Variants in COL19A1 observed in about 807,000 individuals in gnomAD.
COL19A1 encodes collagen type XIX alpha 1 chain.
In COL19A1, 159 loss-of-function variants were observed where a neutral mutation model predicts 190.2. The observed-to-expected ratio is 0.84, with a 90% CI of 0.73 to 0.95. COL19A1 has a LOEUF of 0.95. COL19A1 is among the 40% of genes least tolerant of loss of function. COL19A1 has a pLI of 0.00. For synonymous variants in COL19A1, 509 were observed against 458.9 expected (o/e 1.11, Z -1.39); for missense variants, 1,418 against 1,431.9 (o/e 0.99, Z 0.16).
At position 70,210,160 on chromosome 6, in the gene COL19A1, C is replaced by T. The variant is rs11758956; in HGVS notation, c.*2886C>T. 0.014 allele frequency among the ~76,000 whole-genome samples: 2,097 copies of T among 152,176 alleles called. 73 individuals are homozygous for T. The highest frequency in any genetic ancestry group is 0.13 in the East Asian group (690 of 5,170). ...ACAAAATAATTATGGGCCATGACGACGATTAATATTAAAACTGTGATTTCC... is the reference window on the plus strand; with the variant it reads ...ACAAAATAATTATGGGCCATGACGATGATTAATATTAAAACTGTGATTTCC... On this transcript the variant is annotated 3_prime_UTR_variant, in exon 51 of 51. Transcript: ENST00000620364.
At chr6:69,988,238 A>G (rs1219141642) in intron 11 of COL19A1, among the ~76,000 whole-genome samples, 1 of 152,232 alleles carries the variant, frequency 6.6e-6, no homozygotes, top group African/African-American at 2.4e-5. Flanking sequence ...TGAAAAGGTT[A>G]CATGTCATTT....
chr6:69,896,008 A>G (rs931112660), intron 2 of COL19A1, among the ~76,000 whole-genome samples: 14 of 152,170 alleles, frequency 9.2e-5, no homozygotes, highest in African/African-American at 3.4e-4. Flanking sequence ...TTCAAGTCAT[A>G]CAGTTCATAT....
At chr6:69,878,368 C>T (rs1027918585) in intron 1 of COL19A1, among the ~76,000 whole-genome samples, 55 of 152,012 alleles carry the variant, frequency 3.6e-4, no homozygotes, top group Admixed American at 1.8e-3. Flanking sequence ...TGCCCGCCAC[C>T]GTGCCTGACT....
intron 49 of COL19A1, among the ~76,000 whole-genome samples, chr6:70,201,909 G>T (rs1767576912): frequency 6.6e-6 from 1 of 152,182 alleles, no homozygotes; most frequent in African/African-American, 2.4e-5. Flanking sequence ...ACAGGAAATT[G>T]AAGTGTTTTT....
At chr6:70,022,867 T>A (rs1264065988) in intron 11 of COL19A1, among the ~76,000 whole-genome samples, 1 of 152,188 alleles carries the variant, frequency 6.6e-6, no homozygotes, top group Non-Finnish European at 1.5e-5. Context: ...ATGCTTCTCT[T>A]TTTTTACTAC....
In COL19A1 at chr6:69,960,611, T is replaced by C. The variant is rs1469615294; in HGVS notation, c.981+571T>C. ...TTTCTCTTTAACAAGATGAACTTCC[T>C]TTGTGCCCCCACTTTTTTTTTTTTT... On this transcript the variant is annotated intron_variant, in intron 10 of 50. Transcript: ENST00000620364. Among the ~76,000 whole-genome samples the C allele has an allele frequency of 3.3e-5, 5 of 151,520 alleles. No individual in the cohort carries two copies. In the South Asian group the frequency reaches 1.0e-3, roughly 32 times the overall value.
chr6:69,886,484 A>T (rs1768945666), intron 2 of COL19A1, among the ~76,000 whole-genome samples: 1 of 152,202 alleles, frequency 6.6e-6, no homozygotes, highest in Admixed American at 6.5e-5. Context: ...TTGGGTCTAC[A>T]TCCAAAAAAG....
chr6:70,068,684 G>T (rs1300345268), intron 15 of COL19A1, among the ~76,000 whole-genome samples: 1 of 151,980 alleles, frequency 6.6e-6, no homozygotes, highest in Non-Finnish European at 1.5e-5. Context: ...CAGCACAAGT[G>T]TAGAGATATT....
Position 70,176,553 on chromosome 6 carries a change from G to T in COL19A1, c.2656G>T (p.Ala886Ser), listed in dbSNP as rs775070491. The T allele has an allele frequency of 4.3e-6, 7 of 1,613,506 alleles. No individual in the cohort carries two copies. The South Asian group carries it at 7.7e-5, about 18-fold the overall frequency. Reference sequence around the variant, plus strand: ...AGGCCCAGCAGGTCCCCCAGGAATAGCAGGGATGTCGGTGAGTTCAGATTA... The same window carrying T: ...AGGCCCAGCAGGTCCCCCAGGAATATCAGGGATGTCGGTGAGTTCAGATTA... Reference protein sequence around the residue: ...DRGPAGPPGIAGMSGKPGAPG... With the variant: ...DRGPAGPPGISGMSGKPGAPG... The change falls in exon 42 of 51, where the codon GCA (alanine) becomes TCA (serine). Residue 886 changes from alanine (A) to serine (S), a missense_variant. Physicochemically the swap from Ala to Ser is moderately conservative, Grantham distance 99. Transcript: ENST00000620364.
chr6:69,893,196 G>T (rs1157422922), intron 2 of COL19A1, among the ~76,000 whole-genome samples: 1 of 152,178 alleles, frequency 6.6e-6, no homozygotes, highest in Admixed American at 6.5e-5. Flanking sequence ...ATTCGTGAAT[G>T]TTTCAGCTTT....
rs1186667902 is a variant in COL19A1 at position 70,210,126 on chromosome 6, T to C, written c.*2852T>C. On this transcript the variant is annotated 3_prime_UTR_variant, in exon 51 of 51. Transcript: ENST00000620364. ...TTTGCACTCCAGAAAACAACATACA[T>C]GTTTAAATACAAAATAATTATGGGC... 1.3e-5 allele frequency: 2 copies of C among 152,198 alleles called. No individual in the cohort carries two copies. The highest frequency in any genetic ancestry group is 2.9e-5 in the Non-Finnish European group (2 of 68,024). The allele number at this position is 152,198 out of a possible 1,614,324, so 9.4% of individuals were successfully genotyped here.
chr6:70,124,109 G>GA (rs199879173), intron 17 of COL19A1, among the ~76,000 whole-genome samples: 8 of 151,102 alleles, frequency 5.3e-5, no homozygotes, highest in East Asian at 1.9e-4. Flanking sequence ...AATAAATAAG[G>GA]AAAAAAAACT....
intron 14 of COL19A1, among the ~76,000 whole-genome samples, chr6:70,062,774 G>T (rs1223788009): frequency 1.3e-5 from 2 of 152,062 alleles, no homozygotes; most frequent in African/African-American, 4.8e-5. Flanking sequence ...CAAAATAAAG[G>T]GATGGAGGAA....
At chr6:70,042,358 T>G (rs1285637378) in intron 14 of COL19A1, among the ~76,000 whole-genome samples, 1 of 152,218 alleles carries the variant, frequency 6.6e-6, no homozygotes, top group African/African-American at 2.4e-5. Context: ...GCTTTTCCAA[T>G]GTATATAAAA....
In COL19A1 at chr6:70,020,767, G is replaced by T. The variant is rs753642875; in HGVS notation, c.1027-2860G>T. 4.3e-4 allele frequency among the ~76,000 whole-genome samples: 65 copies of T among 152,192 alleles called. 1 individual carries two copies. The highest frequency in any genetic ancestry group is 3.4e-3 in the Middle Eastern group (1 of 294). ...ATACTAACCATCCTACAATGTACAGGACTGCCCCCACAACAAAGAATTGTC... is the reference window on the plus strand; with the variant it reads ...ATACTAACCATCCTACAATGTACAGTACTGCCCCCACAACAAAGAATTGTC... On this transcript the variant is annotated intron_variant, in intron 11 of 50. Transcript: ENST00000620364.
intron 9 of COL19A1, among the ~76,000 whole-genome samples, chr6:69,941,353 AAT>A (rs1773454724): frequency 1.3e-5 from 2 of 152,170 alleles, no homozygotes; most frequent in South Asian, 2.1e-4. Context: ...ATATTCAACA[AAT>A]ATATGTTTCC....
At chr6:69,909,927 A>G (rs1770798179) in intron 4 of COL19A1, among the ~76,000 whole-genome samples, 1 of 152,162 alleles carries the variant, frequency 6.6e-6, no homozygotes, top group Admixed American at 6.5e-5. Flanking sequence ...CAGGCAGGAA[A>G]TTGTTCAGAT....
chr6:69,881,483 T>C (rs1768552222), intron 2 of COL19A1, among the ~76,000 whole-genome samples: 1 of 152,238 alleles, frequency 6.6e-6, no homozygotes, highest in African/African-American at 2.4e-5. Context: ...GTCTAGAACG[T>C]AATCATCTTG....
intron 4 of COL19A1, among the ~76,000 whole-genome samples, chr6:69,921,050 ACATAT>A (rs1199659560): frequency 6.6e-5 from 2 of 30,400 alleles, no homozygotes; most frequent in Non-Finnish European, 1.5e-4. Context: ...ATATTCATAG[ACATAT>A]CATATATATT....
Sources: gnomAD v4.1 joint callset for allele counts (sites outside exome capture counted in the v4.1 genomes callset) on GRCh38, gnomAD v4.1.1 for gene constraint, MANE v1.5 for transcripts, NCBI Gene and HGNC (gene_info 2026-07-23, HGNC 2026-07-21) for gene names.